Variants in RALGDS observed in about 807,000 individuals in gnomAD.
RALGDS encodes ral guanine nucleotide exchange factor.
Under a neutral mutation model 99.8 loss-of-function variants are expected in RALGDS, and 44 were observed. The ratio of observed to expected loss-of-function variants is 0.44; its 90% confidence interval spans 0.35 to 0.57. The LOEUF is 0.57. RALGDS is among the 20% of genes least tolerant of loss of function. RALGDS has a pLI of 0.01. For missense variants in RALGDS, 1,022 were observed against 1,203.1 expected, an observed-to-expected ratio of 0.85 and a Z score of 2.23; for synonymous variants, 529 against 505.0, an observed-to-expected ratio of 1.05 and a Z score of -0.64.
At chr9:133,134,467 G>A (rs1408398808), upstream of RALGDS, among the ~76,000 whole-genome samples, 1 of 152,228 alleles carries the variant, frequency 6.6e-6, no homozygotes, top group Non-Finnish European at 1.5e-5. Flanking sequence ...CATCATCTCT[G>A]TTGTAAAACT....
intron 1 of RALGDS, among the ~76,000 whole-genome samples, chr9:133,140,805 C>T (rs1349870339): frequency 3.3e-5 from 5 of 152,166 alleles, no homozygotes; most frequent in Non-Finnish European, 7.4e-5. Flanking sequence ...TCGCCTCATC[C>T]GCCCGCCTTC....
chr9:133,103,910 A>C, intron 10 of RALGDS, 77 bp from the exon 11 acceptor site: 3 of 1,422,422 alleles, frequency 2.1e-6, no homozygotes, highest in Non-Finnish European at 3.0e-6. Context: ...AACTGGTCTC[A>C]CTTGGAACAG....
Position 133,112,036 on chromosome 9 carries a change from A to G in RALGDS, c.294+6T>C. On this transcript the variant is annotated splice_donor_region_variant and intron_variant, in intron 2 of 17. Transcript: ENST00000372050. ...GTCTCCCAGTGGAGACCCCGAGCGC[A>G]CTCACCCCGAGCCAGCGCTGCCCCT... The G allele has an allele frequency of 6.4e-7, 1 of 1,564,560 alleles. No homozygotes were observed. The highest frequency in any genetic ancestry group is 1.4e-5 in the African/African-American group (1 of 73,454).
At chr9:133,149,067 G>C (rs2119284895) in exon 1 of RALGDS, 3 of 1,066,526 alleles carry the variant, frequency 2.8e-6, no homozygotes, top group East Asian at 7.4e-5. Context: ...GCGGCGCAGG[G>C]GTGCGCCCGG....
upstream of RALGDS, among the ~76,000 whole-genome samples, chr9:133,133,361 G>A (rs1832375841): frequency 1.3e-5 from 2 of 152,212 alleles, no homozygotes; most frequent in Admixed American, 1.3e-4. Context: ...GTCCCGAGGA[G>A]GTGGTGCTGG....
At chr9:133,121,242 T>C (rs1401584244), upstream of RALGDS, 14 of 980,318 alleles carry the variant, frequency 1.4e-5, no homozygotes, top group Non-Finnish European at 1.4e-5. Flanking sequence ...GCCACCGCTG[T>C]GAGCCCGCGG....
chr9:133,101,871 T>G, intron 15 of RALGDS, 67 bp downstream of exon 15: 1 of 1,551,232 alleles, frequency 6.4e-7, no homozygotes, highest in Non-Finnish European at 8.7e-7. Flanking sequence ...CAGGGCTTCC[T>G]GGCCCCATGC....
Position 133,118,062 on chromosome 9 carries a change from C to T in RALGDS, c.183+2910G>A, listed in dbSNP as rs147443856. Among the ~76,000 whole-genome samples, 576 of 152,326 alleles carry T rather than the reference C, an allele frequency of 3.8e-3. 6 individuals are homozygous for T. Among genetic ancestry groups the T allele is most frequent in the African/African-American group, 0.014 (562 of 41,556 alleles). On this transcript the variant is annotated intron_variant, in intron 1 of 17. Transcript: ENST00000372050. ...GAGCATCCCCCGCCTGGAGAAGGAA[C>T]AAAGACCCAGGACCAGCCAGCCTGG...
intron 3 of RALGDS, 131 bp from the exon 4 acceptor site, chr9:133,109,852 G>C (rs144547848): frequency 6.0e-5 from 44 of 728,458 alleles, no homozygotes; most frequent in African/African-American, 5.3e-4. Context: ...GCACACAGTA[G>C]GTGCTTCATA....
chr9:133,104,444 T>C, intron 9 of RALGDS, 113 bp from the exon 10 acceptor site: 1 of 976,980 alleles, frequency 1.0e-6, no homozygotes, highest in Non-Finnish European at 1.6e-6. Flanking sequence ...GTATCAATAC[T>C]CACTAGTGTG....
At chr9:133,108,559 C>T in intron 5 of RALGDS, 114 bp downstream of exon 5, 1 of 1,455,702 alleles carries the variant, frequency 6.9e-7, no homozygotes, top group Non-Finnish European at 9.4e-7. Flanking sequence ...CCTGTGTGGT[C>T]TGAGGCTCAT....
chr9:133,141,109 T>C (rs142799986), intron 1 of RALGDS, among the ~76,000 whole-genome samples: 35 of 150,990 alleles, frequency 2.3e-4, no homozygotes, highest in African/African-American at 8.3e-4. Context: ...GGTCACACAG[T>C]GAGCAAATGA....
At chr9:133,106,858 G>T in intron 7 of RALGDS, 110 bp from the exon 8 acceptor site, 1 of 966,496 alleles carries the variant, frequency 1.0e-6, no homozygotes, top group Non-Finnish European at 1.6e-6. Context: ...CACCCAGGGA[G>T]TCCCCAGAGG....
chr9:133,102,868 C>A lies in RALGDS; in HGVS notation c.1824G>T (p.Leu608=). 1 of 1,613,578 alleles carries A rather than the reference C, an allele frequency of 6.2e-7. No individual in the cohort carries two copies. The highest frequency in any genetic ancestry group is 8.5e-7 in the Non-Finnish European group (1 of 1,179,998). The change falls in exon 13 of 18, where the codon CTG becomes CTT. Residue 608 remains leucine (L), a synonymous_variant. Coordinates refer to ENST00000372050, the MANE Select transcript of RALGDS (RefSeq NM_006266.4). ...TGCTGTAGTTGTTGCAGGCCGACTGCAGCAGCTTGATCTGGGCGATCACCT... is the reference window on the plus strand; with the variant it reads ...TGCTGTAGTTGTTGCAGGCCGACTGAAGCAGCTTGATCTGGGCGATCACCT... ...EFEVIAQIKL[L]QSACNNYSIA...
In RALGDS at chr9:133,108,628, A is replaced by AC; in HGVS notation, c.778+44dup. The AC allele has an allele frequency of 1.9e-6, 3 of 1,605,994 alleles. No individual in the cohort carries two copies. In the South Asian group the frequency reaches 3.3e-5, roughly 18 times the overall value. ...CTCCTCTTCGTGTGGCCCAGCACCG[A>AC]CCCCTCCTCATTCACCCTCTGGCAC... On this transcript the variant is annotated intron_variant, in intron 5 of 17. Coordinates refer to ENST00000372050, the MANE Select transcript of RALGDS (RefSeq NM_006266.4).
chr9:133,103,630 C>G, intron 11 of RALGDS, 117 bp downstream of exon 11: 1 of 1,098,082 alleles, frequency 9.1e-7, no homozygotes. Context: ...TGGGGTGTCA[C>G]CAGCAGGGCA....
rs146390575 is a variant in RALGDS at position 133,102,798 on chromosome 9, G to A, written c.1894C>T (p.Arg632Trp). 13 of 1,612,662 alleles carry A rather than the reference G, an allele frequency of 8.1e-6. No homozygotes were observed. The highest frequency in any genetic ancestry group is 4.5e-5 in the East Asian group (2 of 44,888). Residue 632 changes from arginine to tryptophan, a missense_variant, in exon 13 of 18, where the codon CGG (arginine) becomes TGG (tryptophan). By Grantham distance (101) the Arg-to-Trp change is moderately radical. Transcript: ENST00000372050. ...QFGAWFRAVE[R>W]LSETESYNLS... ...CCTCACCTCTCAGTCTCGCTGAGCC[G>A]CTCCACGGCCCGGAACCAGGCCCCA...
intron 2 of RALGDS, 86 bp from the exon 3 acceptor site, chr9:133,110,575 CT>C: frequency 8.2e-7 from 1 of 1,224,498 alleles, no homozygotes; most frequent in East Asian, 2.4e-5. Flanking sequence ...CCCTCAGCAG[CT>C]TGTGGCAAGA....
chr9:133,108,556 G>A (rs1006099633), intron 5 of RALGDS, 117 bp downstream of exon 5: 13 of 1,438,344 alleles, frequency 9.0e-6, no homozygotes, highest in Non-Finnish European at 1.2e-5. Context: ...CTGCCTGTGT[G>A]GTCTGAGGCT....
Sources: allele counts gnomAD v4.1 joint callset (sites outside exome capture counted in the v4.1 genomes callset), GRCh38; gene constraint gnomAD v4.1.1; transcripts MANE v1.5; gene names NCBI Gene and HGNC (gene_info 2026-07-23, HGNC 2026-07-21).